The following WWC1 variants were observed in gnomAD, a reference collection of about 807,000 sequenced individuals.
WWC1 encodes protein KIBRA.
A neutral mutation model predicts 138.4 loss-of-function variants in WWC1; 55 were observed. The observed-to-expected ratio is 0.40, with a 90% CI of 0.32 to 0.50. WWC1 has a LOEUF of 0.50. WWC1 is among the 20% of genes least tolerant of loss of function. The pLI is 0.72. For synonymous variants in WWC1, 524 were observed against 564.9 expected (o/e 0.93, Z 1.03); for missense variants, 1,226 against 1,420.4 (o/e 0.86, Z 2.20).
At chr5:168,398,243 A>G (rs897179127) in intron 4 of WWC1, among the ~76,000 whole-genome samples, 2 of 152,102 alleles carry the variant, frequency 1.3e-5, no homozygotes, top group African/African-American at 4.8e-5. Flanking sequence ...AGCTGGGACT[A>G]TAGGCGCCCG....
At chr5:168,309,260 C>T (rs535601506) in intron 1 of WWC1, among the ~76,000 whole-genome samples, 5 of 152,002 alleles carry the variant, frequency 3.3e-5, no homozygotes, top group Non-Finnish European at 7.4e-5. Flanking sequence ...ATGAAGCCTC[C>T]GGTGCCCATT....
intron 1 of WWC1, among the ~76,000 whole-genome samples, chr5:168,353,594 C>T (rs1326206404): frequency 2.6e-5 from 4 of 152,188 alleles, no homozygotes; most frequent in African/African-American, 4.8e-5. Flanking sequence ...CTTCACCTGA[C>T]GCCCAGGGAG....
intron 17 of WWC1, among the ~76,000 whole-genome samples, chr5:168,453,229 G>GAAA (rs34768415): frequency 1.4e-5 from 2 of 146,088 alleles, no homozygotes; most frequent in Non-Finnish European, 1.5e-5. Flanking sequence ...GATTCAAAAG[G>GAAA]AAAAAAAAAA....
intron 18 of WWC1, 22 bp from the exon 19 acceptor site, chr5:168,455,334 C>T: frequency 1.9e-6 from 3 of 1,555,308 alleles, no homozygotes; most frequent in Non-Finnish European, 2.6e-6. Context: ...CTGGTGGCTT[C>T]AAGGTGTGAC....
intron 7 of WWC1, among the ~76,000 whole-genome samples, chr5:168,408,903 G>T (rs552356127): frequency 6.6e-6 from 1 of 152,310 alleles, no homozygotes; most frequent in Admixed American, 6.5e-5. Flanking sequence ...TGCCTGGCCA[G>T]GTGCTTGTGT....
intron 3 of WWC1, among the ~76,000 whole-genome samples, chr5:168,392,051 A>G (rs1464828579): frequency 1.3e-5 from 2 of 152,108 alleles, no homozygotes; most frequent in African/African-American, 2.4e-5. Flanking sequence ...CAATTAGACC[A>G]TCAGATCTTT....
chr5:168,298,005 G>A (rs113412265), intron 1 of WWC1, among the ~76,000 whole-genome samples: 5 of 152,236 alleles, frequency 3.3e-5, no homozygotes, highest in African/African-American at 1.2e-4. Flanking sequence ...GTTATTGTCA[G>A]TCTAATGTCA....
At chr5:168,463,800 G>A (rs1582394455) in intron 20 of WWC1, among the ~76,000 whole-genome samples, 1 of 152,310 alleles carries the variant, frequency 6.6e-6, no homozygotes, top group East Asian at 1.9e-4. Context: ...TCCAGAGGTT[G>A]AAATGATGTC....
chr5:168,293,120 T>A (rs1302540343), intron 1 of WWC1, among the ~76,000 whole-genome samples: 1 of 152,226 alleles, frequency 6.6e-6, no homozygotes, highest in Admixed American at 6.5e-5. Flanking sequence ...CAGAGGCAGA[T>A]GGAGCCTGAG....
At position 168,464,896 on chromosome 5, in the gene WWC1, G is replaced by T. The variant is rs749116049; in HGVS notation, c.3084G>T (p.Lys1028Asn). The T allele has an allele frequency of 1.9e-5, 31 of 1,614,214 alleles. No homozygotes were observed. Among genetic ancestry groups the T allele is most frequent in the Non-Finnish European group, 2.6e-5 (31 of 1,180,040 alleles). ...AACAAGCCAAGAGCCACGGGGAGAA[G>T]GAGCTGCCACAGTGGTTGCGTGAGG... is the stretch of plus-strand genomic sequence containing the variant. ...QLEQAKSHGE[K>N]ELPQWLREDE... The change falls in exon 21 of 23, where the codon AAG becomes AAT. Residue 1028 changes from lysine to asparagine, a missense_variant. Coordinates refer to ENST00000265293, the MANE Select transcript of WWC1 (RefSeq NM_015238.3).
intron 3 of WWC1, among the ~76,000 whole-genome samples, chr5:168,396,377 C>T (rs1293966268): frequency 6.6e-6 from 1 of 151,738 alleles, no homozygotes; most frequent in Non-Finnish European, 1.5e-5. Flanking sequence ...AGTAAGACTT[C>T]GTCTCAAAAA....
intron 19 of WWC1, among the ~76,000 whole-genome samples, chr5:168,459,357 C>A (rs56216983): frequency 0.13 from 20,004 of 151,988 alleles, 2,552 homozygotes; most frequent in African/African-American, 0.33. Flanking sequence ...AGATGGCACA[C>A]CCTTCCACCT....
chr5:168,328,023 AG>A (rs1772703503), intron 1 of WWC1, among the ~76,000 whole-genome samples: 1 of 152,242 alleles, frequency 6.6e-6, no homozygotes, highest in African/African-American at 2.4e-5. Flanking sequence ...GAGTGGGACC[AG>A]AAATACCTGC....
intron 1 of WWC1, among the ~76,000 whole-genome samples, chr5:168,334,104 G>T (rs964195636): frequency 6.7e-6 from 1 of 149,474 alleles, no homozygotes; most frequent in Non-Finnish European, 1.5e-5. Context: ...TACAACTGTG[G>T]CCCCAGCTAC....
At chr5:168,388,360 G>A (rs1276036348) in intron 3 of WWC1, among the ~76,000 whole-genome samples, 1 of 151,920 alleles carries the variant, frequency 6.6e-6, no homozygotes, top group Non-Finnish European at 1.5e-5. Flanking sequence ...AGCCTGAAAT[G>A]GGGGAAAAGC....
At chr5:168,412,708 A>G (rs1294443948) in intron 8 of WWC1, among the ~76,000 whole-genome samples, 1 of 152,224 alleles carries the variant, frequency 6.6e-6, no homozygotes, top group Non-Finnish European at 1.5e-5. Context: ...CCAACCAAGG[A>G]TCAAAAGTAT....
chr5:168,323,206 T>TA (rs956999630), intron 1 of WWC1, among the ~76,000 whole-genome samples: 29 of 151,142 alleles, frequency 1.9e-4, no homozygotes, highest in Non-Finnish European at 2.7e-4. Flanking sequence ...TCAGATGCTG[T>TA]AAAAAAAAAT....
At chr5:168,358,467 C>T (rs1775624854) in intron 1 of WWC1, among the ~76,000 whole-genome samples, 1 of 152,156 alleles carries the variant, frequency 6.6e-6, no homozygotes, top group Non-Finnish European at 1.5e-5. Context: ...TTTGTCATCT[C>T]ATGGTAGGGA....
chr5:168,372,747 A>G (rs1776854651), intron 2 of WWC1, among the ~76,000 whole-genome samples: 1 of 152,216 alleles, frequency 6.6e-6, no homozygotes, highest in Admixed American at 6.5e-5. Flanking sequence ...TCTGGGTTTC[A>G]GTAGCACCCT....
Sources: gnomAD v4.1 joint callset for allele counts (sites outside exome capture counted in the v4.1 genomes callset) on GRCh38, gnomAD v4.1.1 for gene constraint, MANE v1.5 for transcripts, NCBI Gene and HGNC (gene_info 2026-07-23, HGNC 2026-07-21) for gene names.